Variants in MCPH1 observed in about 807,000 individuals in gnomAD.
MCPH1 encodes the protein microcephalin 1.
A neutral mutation model predicts 84.5 loss-of-function variants in MCPH1; 104 were observed. The observed-to-expected ratio is 1.23, with a 90% confidence interval of 1.05 to 1.45. The LOEUF is 1.45. MCPH1 is among the 40% of genes most tolerant of loss of function. The pLI is 0.00. For missense variants in MCPH1, 1,498 were observed against 1,005.7 expected, an observed-to-expected ratio of 1.49 and a Z score of -6.62; for synonymous variants, 514 against 366.8, an observed-to-expected ratio of 1.40 and a Z score of -4.58.
At chr8:6,564,948 G>A (rs1826027322) in intron 12 of MCPH1, among the ~76,000 whole-genome samples, 1 of 152,246 alleles carries the variant, frequency 6.6e-6, no homozygotes, top group Non-Finnish European at 1.5e-5. Flanking sequence ...AAAGCTGGAA[G>A]ACATGCTCTG....
intron 13 of MCPH1, among the ~76,000 whole-genome samples, chr8:6,641,849 G>C (rs572925048): frequency 7.2e-5 from 11 of 152,300 alleles, no homozygotes; most frequent in African/African-American, 2.6e-4. Flanking sequence ...TATATACAAT[G>C]TTTTTAACTA....
At chr8:6,529,397 C>G (rs189578847) in intron 12 of MCPH1, among the ~76,000 whole-genome samples, 176 of 151,920 alleles carry the variant, frequency 1.2e-3, no homozygotes, top group African/African-American at 4.1e-3. Flanking sequence ...TACCTTCAAA[C>G]AGAGTGGGTA....
intron 9 of MCPH1, among the ~76,000 whole-genome samples, chr8:6,467,279 T>A (rs1295756454): frequency 6.6e-6 from 1 of 152,244 alleles, no homozygotes; most frequent in Non-Finnish European, 1.5e-5. Flanking sequence ...CGCTTCTTAT[T>A]CTGGTCTCCC....
At chr8:6,525,576 A>G (rs1327453733) in intron 12 of MCPH1, among the ~76,000 whole-genome samples, 4 of 152,206 alleles carry the variant, frequency 2.6e-5, no homozygotes, top group Non-Finnish European at 5.9e-5. Context: ...GGGAATTATA[A>G]AAGATTATTT....
At chr8:6,589,264 C>T (rs113483857) in intron 12 of MCPH1, among the ~76,000 whole-genome samples, 1 of 151,546 alleles carries the variant, frequency 6.6e-6, no homozygotes, top group African/African-American at 2.4e-5. Flanking sequence ...TTTTTTCCTT[C>T]TTCAAAAATG....
intron 6 of MCPH1, 106 bp from the exon 7 acceptor site, chr8:6,441,961 G>T: frequency 1.3e-6 from 1 of 773,338 alleles, no homozygotes; most frequent in East Asian, 2.6e-5. Flanking sequence ...TGTGATTATA[G>T]GATTTAATAG....
chr8:6,460,865 A>G (rs2129557405), intron 9 of MCPH1, among the ~76,000 whole-genome samples: 1 of 152,224 alleles, frequency 6.6e-6, no homozygotes, highest in East Asian at 1.9e-4. Context: ...GTCTGCAAAT[A>G]GCTGGGGCTT....
chr8:6,455,342 C>A, intron 9 of MCPH1, 90 bp downstream of exon 9: 1 of 934,596 alleles, frequency 1.1e-6, no homozygotes, highest in Non-Finnish European at 1.7e-6. Context: ...ACCAGTCTAT[C>A]TGACTTGTCT....
chr8:6,590,313 T>A (rs1244857754), intron 12 of MCPH1, among the ~76,000 whole-genome samples: 1 of 152,102 alleles, frequency 6.6e-6, no homozygotes. Flanking sequence ...ATGTCCTAAA[T>A]GTGCGTTGGC....
chr8:6,587,428 A>G lies in MCPH1; in HGVS notation c.2215-34026A>G, dbSNP rs541202067. On this transcript the variant is annotated intron_variant, in intron 12 of 13. Coordinates refer to ENST00000344683, the MANE Select transcript of MCPH1 (RefSeq NM_024596.5). ...CCATACAATAGAATTCAACACTTTC[A>G]ATGTGTGGTTGGATGGCTTTTGGCA... Among the ~76,000 whole-genome samples, 11 of 152,228 alleles carry G rather than the reference A, an allele frequency of 7.2e-5. No homozygotes were observed. In the South Asian group the frequency reaches 2.3e-3, roughly 32 times the overall value.
At chr8:6,530,641 A>C (rs1225892839) in intron 12 of MCPH1, among the ~76,000 whole-genome samples, 1 of 152,032 alleles carries the variant, frequency 6.6e-6, no homozygotes, top group Non-Finnish European at 1.5e-5. Flanking sequence ...CTAAGATTTA[A>C]ATTTTTAGTA....
At chr8:6,495,899 A>G (rs1811170166) in intron 11 of MCPH1, among the ~76,000 whole-genome samples, 1 of 152,196 alleles carries the variant, frequency 6.6e-6, no homozygotes, top group Non-Finnish European at 1.5e-5. Flanking sequence ...TAACTATCAG[A>G]TTTGATTTTT....
intron 12 of MCPH1, among the ~76,000 whole-genome samples, chr8:6,528,093 C>A (rs1818727071): frequency 6.6e-6 from 1 of 152,030 alleles, no homozygotes; most frequent in Admixed American, 6.5e-5. Flanking sequence ...GATGGGGTTT[C>A]ACCATGTTGG....
intron 12 of MCPH1, among the ~76,000 whole-genome samples, chr8:6,541,916 G>T (rs922299528): frequency 6.6e-6 from 1 of 151,752 alleles, no homozygotes; most frequent in Non-Finnish European, 1.5e-5. Flanking sequence ...GCTAAGGTGG[G>T]AGGATTGCTT....
Position 6,445,038 on chromosome 8 carries a change from C to T in MCPH1, c.1316C>T (p.Pro439Leu). The T allele has an allele frequency of 6.2e-7, 1 of 1,614,240 alleles. No individual in the cohort carries two copies. Among genetic ancestry groups the T allele is most frequent in the East Asian group, 2.2e-5 (1 of 44,886 alleles). The change falls in exon 8 of 14, where the codon CCT (proline) becomes CTT (leucine). Residue 439 changes from proline (P) to leucine (L), a missense_variant. Pro to Leu is a moderately conservative substitution (Grantham distance 98). Transcript: ENST00000344683. Reference sequence around the variant, plus strand: ...CCTGAATCTCAGCTGCCATCAAGCCCTGCTCAGTTGAGCTGCAGAAGTCTT... The same window carrying T: ...CCTGAATCTCAGCTGCCATCAAGCCTTGCTCAGTTGAGCTGCAGAAGTCTT... ...LPPESQLPSS[P>L]AQLSCRSLSK... is the part of the protein sequence containing the mutation.
chr8:6,556,060 G>A (rs144150168), intron 12 of MCPH1, among the ~76,000 whole-genome samples: 7 of 152,270 alleles, frequency 4.6e-5, no homozygotes, highest in East Asian at 1.9e-4. Context: ...CCCTGCACTC[G>A]TCTCAAGATC....
At chr8:6,499,630 G>C (rs1586134773) in intron 11 of MCPH1, 1 of 496,440 alleles carries the variant, frequency 2.0e-6, no homozygotes, top group Non-Finnish European at 3.6e-6. Context: ...TAATGACTCA[G>C]ATTTCTTGTT....
In MCPH1 at chr8:6,415,650, G is replaced by A. The variant is rs956986311; in HGVS notation, c.233+767G>A. 2.6e-5 allele frequency among the ~76,000 whole-genome samples: 4 copies of A among 152,066 alleles called. No homozygotes were observed. The East Asian group carries it at 5.8e-4, about 22-fold the overall frequency. On this transcript the variant is annotated intron_variant, in intron 3 of 13. Transcript: ENST00000344683. ...ATTACAGGTGTGAGCCACCGTGCGCGGCCCACACAGTTTTGATTACAGTAA... is the reference window on the plus strand; with the variant it reads ...ATTACAGGTGTGAGCCACCGTGCGCAGCCCACACAGTTTTGATTACAGTAA...
rs865975436 is a variant in MCPH1, at chr8:6,408,910, G to A, written c.23-369G>A. Among the ~76,000 whole-genome samples, 15 of 146,914 alleles carry A rather than the reference G, an allele frequency of 1.0e-4. 1 individual carries two copies. The highest frequency in any genetic ancestry group is 3.6e-3 in the Middle Eastern group (1 of 278). On this transcript the variant is annotated intron_variant, in intron 1 of 13. Transcript: ENST00000344683. Reference sequence around the variant, plus strand: ...TTTTTTCTTTTTTTTTTTTTGAAACGGGTCTCGCCCTGTCACCCAGGCTGG... The same window carrying A: ...TTTTTTCTTTTTTTTTTTTTGAAACAGGTCTCGCCCTGTCACCCAGGCTGG...
Sources: allele counts gnomAD v4.1 joint callset (sites outside exome capture counted in the v4.1 genomes callset), GRCh38; gene constraint gnomAD v4.1.1; transcripts MANE v1.5; gene names NCBI Gene and HGNC (gene_info 2026-07-23, HGNC 2026-07-21).